PCDHA4: variants seen among roughly 807,000 people sequenced by gnomAD.
PCDHA4 encodes the protein protocadherin alpha-4.
Under a neutral mutation model 61.4 loss-of-function variants are expected in PCDHA4, and 49 were observed. The observed-to-expected ratio is 0.80, with a 90% confidence interval of 0.63 to 1.01. PCDHA4 has a LOEUF of 1.01. PCDHA4 is among the 50% of genes least tolerant of loss of function. The probability of loss-of-function intolerance (pLI) is 0.00; values close to 1 mark genes in which losing one functional copy is unlikely to be tolerated. For synonymous variants in PCDHA4, 590 were observed against 550.3 expected (o/e 1.07, Z -1.01); for missense variants, 1,254 against 1,235.8 (o/e 1.01, Z -0.22).
chr5:140,874,093 TG>T, intron 1 of PCDHA4, among the ~76,000 whole-genome samples: 2 of 152,364 alleles, frequency 1.3e-5, no homozygotes, highest in Middle Eastern at 6.8e-3. Context: ...AATTCAAATA[TG>T]TTTTTAATTA....
At chr5:140,850,060 C>T (rs2150465360) in intron 1 of PCDHA4, 8 of 1,596,516 alleles carry the variant, frequency 5.0e-6, no homozygotes, top group East Asian at 4.5e-5. Flanking sequence ...GCGCTGCAGC[C>T]GTTGGACCAC....
intron 1 of PCDHA4, among the ~76,000 whole-genome samples, chr5:140,820,757 C>A (rs1581766464): frequency 6.6e-6 from 1 of 151,890 alleles, no homozygotes; most frequent in African/African-American, 2.4e-5. Flanking sequence ...GTCATATAGA[C>A]AATATTAGGA....
At chr5:140,870,614 C>G in intron 1 of PCDHA4, 2 of 1,613,212 alleles carry the variant, frequency 1.2e-6, no homozygotes, top group South Asian at 2.2e-5. Flanking sequence ...CGCGCGCTGT[C>G]GAGCTACGTG....
intron 1 of PCDHA4, chr5:140,867,631 G>A (rs1554161429): frequency 1.3e-5 from 2 of 151,978 alleles, no homozygotes; most frequent in African/African-American, 4.8e-5. Flanking sequence ...AAATATTTAA[G>A]CTAGAGTGAT....
intron 1 of PCDHA4, chr5:140,967,201 A>T: frequency 6.2e-7 from 1 of 1,613,620 alleles, no homozygotes; most frequent in Non-Finnish European, 8.5e-7. Flanking sequence ...ACGACAACTC[A>T]CCGCGTTTCC....
chr5:140,990,838 A>C (rs2097419271), intron 3 of PCDHA4, among the ~76,000 whole-genome samples: 1 of 152,222 alleles, frequency 6.6e-6, no homozygotes, highest in Admixed American at 6.5e-5. Flanking sequence ...CCTATTAGCA[A>C]AAATAGAGCC....
chr5:140,852,048 G>T, intron 1 of PCDHA4: 1 of 917,014 alleles, frequency 1.1e-6, no homozygotes, highest in Non-Finnish European at 1.3e-6. Flanking sequence ...TTGTTATGTG[G>T]TTTATATTTT....
At chr5:140,958,744 A>G (rs1421311606) in intron 1 of PCDHA4, among the ~76,000 whole-genome samples, 1 of 152,156 alleles carries the variant, frequency 6.6e-6, no homozygotes, top group Non-Finnish European at 1.5e-5. Context: ...AAAGAGAGAA[A>G]GGAGATTTTT....
At chr5:140,961,083 T>C (rs1470868954) in intron 1 of PCDHA4, among the ~76,000 whole-genome samples, 1 of 152,198 alleles carries the variant, frequency 6.6e-6, no homozygotes, top group Non-Finnish European at 1.5e-5. Context: ...ATCAAGTAAT[T>C]GTTGACTTTT....
chr5:140,850,804 T>C lies in PCDHA4; in HGVS notation c.2385+41232T>C, dbSNP rs2150498986. ...GAGGGTAAGCAGAAGACCGACCTCA[T>C]GGCCTTCAGCCCGGGCCTTTCTCCT... On this transcript the variant is annotated intron_variant, in intron 1 of 3. Transcript: ENST00000530339. The C allele has an allele frequency of 3.1e-6, 5 of 1,598,410 alleles. No homozygotes were observed. The East Asian group carries it at 1.1e-4, about 36-fold the overall frequency.
At chr5:140,818,270 T>G (rs2150100638) in intron 1 of PCDHA4, among the ~76,000 whole-genome samples, 1 of 152,366 alleles carries the variant, frequency 6.6e-6, no homozygotes, top group African/African-American at 2.4e-5. Context: ...CTTTTTCTCT[T>G]TGTTTCATAA....
intron 1 of PCDHA4, among the ~76,000 whole-genome samples, chr5:140,885,133 T>G (rs2060482847): frequency 6.6e-6 from 1 of 152,216 alleles, no homozygotes; most frequent in Admixed American, 6.5e-5. Context: ...CTTTCTTTCT[T>G]TTTTTAAACT....
At chr5:140,957,289 C>T (rs1235564629) in intron 1 of PCDHA4, among the ~76,000 whole-genome samples, 1 of 152,162 alleles carries the variant, frequency 6.6e-6, no homozygotes, top group Non-Finnish European at 1.5e-5. Context: ...CCTGCAGTTT[C>T]ACTCTGAGCA....
At chr5:140,930,420 A>T (rs996872425) in intron 1 of PCDHA4, 2 of 151,962 alleles carry the variant, frequency 1.3e-5, no homozygotes, top group Non-Finnish European at 2.9e-5. Context: ...CAGGGGTCTC[A>T]CTATGTTGCC....
chr5:140,974,782 C>T (rs1211935245), intron 1 of PCDHA4, among the ~76,000 whole-genome samples: 11 of 152,150 alleles, frequency 7.2e-5, no homozygotes, highest in African/African-American at 2.7e-4. Context: ...GCCACTGCGC[C>T]CAGCCCTCAT....
At chr5:140,850,256 C>T (rs2150475976) in intron 1 of PCDHA4, 11 of 1,594,032 alleles carry the variant, frequency 6.9e-6, no homozygotes, top group Admixed American at 6.8e-5. Context: ...CGGTGGGCGC[C>T]GGCGTAGTGG....
rs782673373 is a variant in PCDHA4 at position 140,858,110 on chromosome 5, G to A, written c.2385+48538G>A. On this transcript the variant is annotated intron_variant, in intron 1 of 3. Transcript: ENST00000530339. ...GCGGGCTTCAGTGGGCGTGGCGCCC[G>A]AGGTGGCCCTGGTGGATGTCAACGT... 5.6e-6 allele frequency: 9 copies of A among 1,597,760 alleles called. 1 individual carries two copies. The highest frequency in any genetic ancestry group is 3.4e-5 in the Admixed American group (2 of 59,350).
intron 1 of PCDHA4, chr5:140,883,811 G>A: frequency 6.2e-7 from 1 of 1,612,586 alleles, no homozygotes; most frequent in African/African-American, 1.3e-5. Context: ...CGCGGAGAGC[G>A]GCAAGGTGTA....
chr5:140,855,994 G>A (rs941733432), intron 1 of PCDHA4: 1 of 1,498,182 alleles, frequency 6.7e-7, no homozygotes, highest in Non-Finnish European at 9.0e-7. Flanking sequence ...ATGTCAGATC[G>A]TATGTGCGTT....
Sources: gnomAD v4.1 joint callset for allele counts (sites outside exome capture counted in the v4.1 genomes callset) on GRCh38, gnomAD v4.1.1 for gene constraint, MANE v1.5 for transcripts, NCBI Gene and HGNC (gene_info 2026-07-23, HGNC 2026-07-21) for gene names.